Variants in CAPZA2 observed in about 807,000 individuals in gnomAD.
The protein encoded by CAPZA2 is capping actin protein of muscle Z-line subunit alpha 2.
In CAPZA2, 13 loss-of-function variants were observed where a neutral mutation model predicts 44.0. That is an observed-to-expected ratio of 0.30 (90% CI 0.19 to 0.47). The LOEUF is 0.47. Among genes scored for constraint, CAPZA2 ranks in the 20% least tolerant of loss-of-function variants. The pLI, the probability that CAPZA2 is intolerant of heterozygous loss-of-function variation, is 1.00. For missense variants in CAPZA2, 244 were observed against 338.6 expected (o/e 0.72, Z 2.19); for synonymous variants, 94 against 108.2 (o/e 0.87, Z 0.81).
intron 3 of CAPZA2, among the ~76,000 whole-genome samples, chr7:116,895,344 T>C (rs1173806747): frequency 6.6e-6 from 1 of 151,632 alleles, no homozygotes; most frequent in Non-Finnish European, 1.5e-5. Flanking sequence ...CTTTTATTTG[T>C]CCAAAGAATT....
intron 4 of CAPZA2, 72 bp from the exon 5 acceptor site, chr7:116,904,105 G>A (rs1797029123): frequency 6.9e-6 from 6 of 863,868 alleles, no homozygotes; most frequent in Non-Finnish European, 1.1e-5. Context: ...GCTTAAATGA[G>A]TGTAATTATG....
At chr7:116,882,799 T>G (rs1405265675) in intron 1 of CAPZA2, among the ~76,000 whole-genome samples, 1 of 152,182 alleles carries the variant, frequency 6.6e-6, no homozygotes, top group Non-Finnish European at 1.5e-5. Context: ...ATTTCAAGAT[T>G]TAACTCAGGT....
At chr7:116,904,511 T>C in intron 5 of CAPZA2, 128 bp downstream of exon 5, 1 of 620,548 alleles carries the variant, frequency 1.6e-6, no homozygotes, top group Admixed American at 3.1e-5. Context: ...TAAATATTTC[T>C]AAGAATGTTT....
At chr7:116,892,875 A>G in intron 2 of CAPZA2, 119 bp from the exon 3 acceptor site, 1 of 460,128 alleles carries the variant, frequency 2.2e-6, no homozygotes. Flanking sequence ...CATGAGTGAT[A>G]TTTTGATCTT....
At chr7:116,911,012 A>T (rs890651127) in intron 7 of CAPZA2, among the ~76,000 whole-genome samples, 2 of 150,128 alleles carry the variant, frequency 1.3e-5, no homozygotes, top group Non-Finnish European at 3.0e-5. Flanking sequence ...AAAAAAAAAA[A>T]GCATACGTGA....
chr7:116,912,896 T>C (rs943751748), intron 8 of CAPZA2, among the ~76,000 whole-genome samples: 3 of 152,222 alleles, frequency 2.0e-5, no homozygotes, highest in Non-Finnish European at 2.9e-5. Context: ...TTCCATCTTA[T>C]AGTTTCACCA....
At chr7:116,899,376 A>G (rs564750993) in intron 4 of CAPZA2, among the ~76,000 whole-genome samples, 42 of 152,020 alleles carry the variant, frequency 2.8e-4, no homozygotes, top group Non-Finnish European at 5.2e-4. Flanking sequence ...TATGTAAAAC[A>G]CTATGAAGAA....
At chr7:116,877,066 G>A (rs1796631595) in intron 1 of CAPZA2, among the ~76,000 whole-genome samples, 1 of 152,204 alleles carries the variant, frequency 6.6e-6, no homozygotes, top group Non-Finnish European at 1.5e-5. Flanking sequence ...TTGGCTAGGG[G>A]ACCTTATCTG....
At chr7:116,895,506 A>G (rs887786164) in intron 3 of CAPZA2, among the ~76,000 whole-genome samples, 8 of 152,270 alleles carry the variant, frequency 5.3e-5, no homozygotes, top group African/African-American at 1.9e-4. Flanking sequence ...CAGGAAATAC[A>G]TGATATTCTG....
At chr7:116,864,455 A>G (rs1461498140) in intron 1 of CAPZA2, among the ~76,000 whole-genome samples, 1 of 152,224 alleles carries the variant, frequency 6.6e-6, no homozygotes, top group Non-Finnish European at 1.5e-5. Context: ...TTATGGTTAA[A>G]TGAATGAAAA....
chr7:116,862,621 C>T lies in CAPZA2; in HGVS notation c.10C>T (p.Leu4=). Residue 4 remains leucine (L), a synonymous_variant, in exon 1 of 10, where the codon CTG becomes TTG. Coordinates refer to ENST00000361183, the MANE Select transcript of CAPZA2 (RefSeq NM_006136.3). The part of the protein sequence containing the change: MAD[L]EEQLSDEEKV... ...TGTCGCCAGAAGGAAGATGGCGGAT[C>T]TGGAGGAGCAGTTGTCTGATGAAGA... 6.5e-7 allele frequency: 1 copy of T among 1,539,710 alleles called. No individual in the cohort carries two copies. Among genetic ancestry groups the T allele is most frequent in the South Asian group, 1.2e-5 (1 of 83,420 alleles).
At chr7:116,897,140 A>G (rs1286581271) in intron 3 of CAPZA2, among the ~76,000 whole-genome samples, 1 of 152,136 alleles carries the variant, frequency 6.6e-6, no homozygotes, top group Non-Finnish European at 1.5e-5. Flanking sequence ...AAAGGCTTTC[A>G]GTCCAGCCTG....
intron 3 of CAPZA2, among the ~76,000 whole-genome samples, chr7:116,896,521 A>G (rs533676461): frequency 1.3e-5 from 2 of 152,226 alleles, no homozygotes; most frequent in East Asian, 1.9e-4. Context: ...TTGAATTTCT[A>G]TTTAGAGGTG....
chr7:116,865,780 C>T (rs901554385), intron 1 of CAPZA2, among the ~76,000 whole-genome samples: 2 of 152,098 alleles, frequency 1.3e-5, no homozygotes, highest in Non-Finnish European at 2.9e-5. Context: ...CAAGGTCTCA[C>T]GATGTTGTCC....
chr7:116,907,750 G>T (rs1474512871), intron 6 of CAPZA2, among the ~76,000 whole-genome samples: 1 of 152,146 alleles, frequency 6.6e-6, no homozygotes, highest in Non-Finnish European at 1.5e-5. Flanking sequence ...CAAGTAGCTG[G>T]AACTACAGGT....
intron 4 of CAPZA2, among the ~76,000 whole-genome samples, chr7:116,899,273 G>A (rs2115947131): frequency 6.6e-6 from 1 of 151,878 alleles, no homozygotes; most frequent in Admixed American, 6.6e-5. Context: ...GCTAAGAAAA[G>A]CCACAAAAGG....
At chr7:116,884,887 T>C (rs570618317) in intron 1 of CAPZA2, among the ~76,000 whole-genome samples, 3 of 152,340 alleles carry the variant, frequency 2.0e-5, no homozygotes, top group African/African-American at 7.2e-5. Flanking sequence ...AGAGTTCCTG[T>C]TCTGCATCCT....
intron 1 of CAPZA2, among the ~76,000 whole-genome samples, chr7:116,879,100 T>C (rs1323167397): frequency 8.5e-6 from 1 of 117,122 alleles, no homozygotes; most frequent in Non-Finnish European, 1.6e-5. Context: ...CACTCCAGCC[T>C]GGCGACAGAG....
At chr7:116,917,580 T>G (rs1196508933) in intron 9 of CAPZA2, 147 bp from the exon 10 acceptor site, 2 of 661,978 alleles carry the variant, frequency 3.0e-6, no homozygotes, top group Non-Finnish European at 5.3e-6. Context: ...TTAAACAGCT[T>G]TTAAAACAAT....
Sources: gnomAD v4.1 joint callset for allele counts (sites outside exome capture counted in the v4.1 genomes callset) on GRCh38, gnomAD v4.1.1 for gene constraint, MANE v1.5 for transcripts, NCBI Gene and HGNC (gene_info 2026-07-23, HGNC 2026-07-21) for gene names.